Variants in SIL1 observed in about 807,000 individuals in gnomAD.
SIL1 encodes nucleotide exchange factor SIL1.
In SIL1, 40 loss-of-function variants were observed where a neutral mutation model predicts 49.1. The observed-to-expected ratio is 0.81, with a 90% CI of 0.63 to 1.06. The LOEUF (loss-of-function observed/expected upper bound fraction) is 1.06, where lower values mean the gene tolerates loss of function less well. SIL1 is among the 50% of genes least tolerant of loss of function. The pLI is 0.00. For synonymous variants in SIL1, 253 were observed against 250.8 expected, an observed-to-expected ratio of 1.01 and a Z score of -0.08; for missense variants, 500 against 572.6, an observed-to-expected ratio of 0.87 and a Z score of 1.29.
At chr5:139,148,978 G>A (rs1202152849) in intron 1 of SIL1, among the ~76,000 whole-genome samples, 3 of 152,244 alleles carry the variant, frequency 2.0e-5, no homozygotes, top group Non-Finnish European at 2.9e-5. Context: ...TAATGCCAGC[G>A]GAAAACACTG....
intron 3 of SIL1, 191 bp from the exon 4 acceptor site, chr5:139,051,237 T>C: frequency 1.6e-6 from 1 of 623,340 alleles, no homozygotes; most frequent in East Asian, 2.9e-5. Context: ...TGCTAATCTA[T>C]AAGGAAATCT....
At chr5:139,126,907 A>G (rs568378335) in intron 2 of SIL1, among the ~76,000 whole-genome samples, 11 of 152,114 alleles carry the variant, frequency 7.2e-5, no homozygotes, top group Non-Finnish European at 1.6e-4. Flanking sequence ...GGGTTGGGGA[A>G]GGTGGCCAGG....
intron 3 of SIL1, among the ~76,000 whole-genome samples, chr5:139,058,013 A>T (rs1769494773): frequency 6.6e-6 from 1 of 152,226 alleles, no homozygotes; most frequent in South Asian, 2.1e-4. Flanking sequence ...GTATCAGGGG[A>T]CAACCCAAAT....
At chr5:138,969,011 T>TGCA (rs1310237899) in intron 7 of SIL1, among the ~76,000 whole-genome samples, 1 of 152,148 alleles carries the variant, frequency 6.6e-6, no homozygotes, top group Non-Finnish European at 1.5e-5. Flanking sequence ...AGAAAAGGGA[T>TGCA]GCAGCCCAGA....
At chr5:139,180,595 T>G (rs1290793175) in intron 1 of SIL1, among the ~76,000 whole-genome samples, 1 of 152,020 alleles carries the variant, frequency 6.6e-6, no homozygotes, top group Non-Finnish European at 1.5e-5. Context: ...CCCACCACAA[T>G]TGATACATAC....
chr5:139,147,359 C>T (rs1434275731), intron 1 of SIL1, among the ~76,000 whole-genome samples: 1 of 152,202 alleles, frequency 6.6e-6, no homozygotes, highest in Non-Finnish European at 1.5e-5. Context: ...AGATCAGTGC[C>T]TGCCTTCACC....
chr5:139,161,158 G>A (rs532743197), intron 1 of SIL1, among the ~76,000 whole-genome samples: 10 of 152,208 alleles, frequency 6.6e-5, no homozygotes, highest in African/African-American at 1.7e-4. Flanking sequence ...CAGGAGAATC[G>A]CTTGAACCTG....
chr5:139,109,914 T>C (rs552372864), intron 3 of SIL1, among the ~76,000 whole-genome samples: 43 of 151,848 alleles, frequency 2.8e-4, no homozygotes, highest in African/African-American at 9.9e-4. Flanking sequence ...CTCACGTCTA[T>C]AATCTCAGCA....
At chr5:139,106,291 T>A (rs1770711060) in intron 3 of SIL1, among the ~76,000 whole-genome samples, 2 of 152,360 alleles carry the variant, frequency 1.3e-5, no homozygotes, top group Admixed American at 6.5e-5. Flanking sequence ...TCCTTCCCAC[T>A]GGCATCCTCC....
At chr5:139,010,002 A>G (rs1363969067) in intron 7 of SIL1, among the ~76,000 whole-genome samples, 1 of 151,816 alleles carries the variant, frequency 6.6e-6, no homozygotes, top group East Asian at 1.9e-4. Flanking sequence ...GAATCTGAAT[A>G]TTGGCCTGCC....
At chr5:138,970,088 G>T (rs938940188) in intron 7 of SIL1, among the ~76,000 whole-genome samples, 1 of 152,254 alleles carries the variant, frequency 6.6e-6, no homozygotes, top group Non-Finnish European at 1.5e-5. Context: ...CCACTGGCAT[G>T]TTTGGAAAGG....
In SIL1 at chr5:138,947,082, C is replaced by T; in HGVS notation, c.*35G>A. On this transcript the variant is annotated 3_prime_UTR_variant, in exon 10 of 10. Coordinates refer to ENST00000394817, the MANE Select transcript of SIL1 (RefSeq NM_022464.5). The surrounding 1 kb of genome is among the most constrained non-coding windows in gnomAD (Gnocchi z 4.1). The stretch of plus-strand genomic sequence containing the variant: ...CCCACGCTGGCACCCCTCAGCCTCA[C>T]TAGCGGCATCCCAGTCCAGTCCTGG... 1 of 1,555,762 alleles carries T rather than the reference C, an allele frequency of 6.4e-7. No homozygotes were observed. The highest frequency in any genetic ancestry group is 8.8e-7 in the Non-Finnish European group (1 of 1,133,498).
intron 3 of SIL1, among the ~76,000 whole-genome samples, chr5:139,106,133 G>A (rs762307888): frequency 4.6e-5 from 7 of 152,174 alleles, no homozygotes; most frequent in Non-Finnish European, 7.3e-5. Context: ...TCTAGCCTGA[G>A]CAAAGGTATA....
At chr5:139,159,072 G>A (rs1433174846) in intron 1 of SIL1, among the ~76,000 whole-genome samples, 1 of 151,694 alleles carries the variant, frequency 6.6e-6, no homozygotes, top group African/African-American at 2.4e-5. Flanking sequence ...AGGGGACAAG[G>A]GGAAAGAAAG....
chr5:139,186,116 C>T (rs565135027), intron 1 of SIL1, among the ~76,000 whole-genome samples: 4 of 152,308 alleles, frequency 2.6e-5, no homozygotes, highest in African/African-American at 7.2e-5. Flanking sequence ...TCAAACCTGC[C>T]TCAGTGGAAG....
chr5:139,020,986 C>T (rs1768511866), intron 7 of SIL1, 185 bp downstream of exon 7: 2 of 731,382 alleles, frequency 2.7e-6, no homozygotes, highest in Admixed American at 2.1e-5. Context: ...CAGAGAGTCA[C>T]AGATGGTGAC....
chr5:139,186,872 G>A (rs1315676425), intron 1 of SIL1, among the ~76,000 whole-genome samples: 1 of 152,164 alleles, frequency 6.6e-6, no homozygotes, highest in Non-Finnish European at 1.5e-5. Flanking sequence ...CTTACTCTAA[G>A]GAATCCAATG....
chr5:139,139,753 G>A (rs529770495), intron 1 of SIL1, among the ~76,000 whole-genome samples: 5 of 152,358 alleles, frequency 3.3e-5, no homozygotes, highest in African/African-American at 9.6e-5. Context: ...TTGGGAGGCT[G>A]AGGCAGGTGG....
chr5:139,038,523 G>A (rs1768968489), intron 5 of SIL1, among the ~76,000 whole-genome samples: 2 of 152,160 alleles, frequency 1.3e-5, no homozygotes, highest in South Asian at 4.1e-4. Flanking sequence ...TAAACTTTTT[G>A]TTGTATTAAT....
Sources: allele counts gnomAD v4.1 joint callset (sites outside exome capture counted in the v4.1 genomes callset), GRCh38; gene constraint gnomAD v4.1.1; non-coding constraint Gnocchi (gnomAD v3.1); transcripts MANE v1.5; gene names NCBI Gene and HGNC (gene_info 2026-07-23, HGNC 2026-07-21).